Variants in TTC23L observed in about 807,000 individuals in gnomAD.
TTC23L encodes the protein tetratricopeptide repeat domain 23 like, also known as tetratricopeptide repeat protein 23-like.
Under a neutral mutation model 48.1 loss-of-function variants are expected in TTC23L, and 42 were observed. The observed-to-expected ratio is 0.87, with a 90% CI of 0.68 to 1.13. The LOEUF (loss-of-function observed/expected upper bound fraction) is 1.13. Among genes scored for constraint, TTC23L ranks in the 50% most tolerant of loss-of-function variants. TTC23L has a pLI of 0.00. For synonymous variants in TTC23L, 159 were observed against 157.2 expected (o/e 1.01, Z -0.09); for missense variants, 391 against 421.0 (o/e 0.93, Z 0.62).
the TTC23L span, chr5:34,922,173 A>T: frequency 8.9e-7 from 1 of 1,128,456 alleles, no homozygotes; most frequent in Non-Finnish European, 1.3e-6. Flanking sequence ...TTTAGTTCTC[A>T]TTTATATTAT....
At chr5:34,922,965 C>G in the TTC23L span, 1 of 1,394,394 alleles carries the variant, frequency 7.2e-7, no homozygotes. Flanking sequence ...ACAAGGCAGT[C>G]TACTGTTAAA....
At chr5:34,840,558 A>G in intron 1 of TTC23L, 107 bp from the exon 2 acceptor site, 2 of 890,572 alleles carry the variant, frequency 2.2e-6, no homozygotes, top group East Asian at 2.4e-5. Context: ...AGGATGGGTT[A>G]TATATTTGAG....
At chr5:34,891,228 TAA>T (rs889102527) in intron 9 of TTC23L, among the ~76,000 whole-genome samples, 6 of 152,222 alleles carry the variant, frequency 3.9e-5, no homozygotes, top group African/African-American at 1.2e-4. Context: ...TGTTTTATAT[TAA>T]GAGTAATAGG....
At chr5:34,922,647 G>A in the TTC23L span, 1 of 1,594,524 alleles carries the variant, frequency 6.3e-7, no homozygotes, top group East Asian at 2.2e-5. Context: ...TTTTGAAATA[G>A]TTGTGCAAAA....
chr5:34,848,324 A>T (rs943840380), intron 3 of TTC23L, among the ~76,000 whole-genome samples: 16 of 152,194 alleles, frequency 1.1e-4, no homozygotes, highest in South Asian at 2.1e-4. Context: ...TGTCATTTCT[A>T]TAGGGGTAGA....
At chr5:34,914,793 T>A in the TTC23L span, 1 of 1,614,240 alleles carries the variant, frequency 6.2e-7, no homozygotes, top group Non-Finnish European at 8.5e-7. Context: ...CGGAAATGAA[T>A]AGCTTTCAAG....
the TTC23L span, chr5:34,906,497 G>A: frequency 6.6e-6 from 1 of 151,898 alleles, no homozygotes. Context: ...AAATTAGCAG[G>A]GCATGGAGGC....
the TTC23L span, chr5:34,922,514 A>G: frequency 4.6e-6 from 7 of 1,537,308 alleles, no homozygotes; most frequent in South Asian, 6.8e-5. Context: ...TAATTAGTTG[A>G]AAAAGCTTAC....
the TTC23L span, chr5:34,909,455 G>A: frequency 6.6e-6 from 5 of 761,160 alleles, no homozygotes; most frequent in Admixed American, 2.3e-5. Context: ...CATACTAGTG[G>A]GTGAAACAGA....
exon 10 of TTC23L, chr5:34,896,805 C>G: frequency 1.3e-6 from 1 of 758,252 alleles, no homozygotes; most frequent in Middle Eastern, 2.3e-4. Context: ...AGAAGAGAAG[C>G]CATTCCTGGA....
chr5:34,910,775 T>C, the TTC23L span, among the ~76,000 whole-genome samples: 1 of 152,226 alleles, frequency 6.6e-6, no homozygotes, highest in Non-Finnish European at 1.5e-5. Context: ...GAATACCTTA[T>C]TCCTTTTATT....
intron 8 of TTC23L, among the ~76,000 whole-genome samples, chr5:34,875,863 A>T (rs1761799966): frequency 1.3e-5 from 2 of 152,214 alleles, no homozygotes; most frequent in Non-Finnish European, 2.9e-5. Flanking sequence ...CACATGGAAC[A>T]TTCACCATGA....
intron 9 of TTC23L, among the ~76,000 whole-genome samples, chr5:34,892,091 G>A (rs945990505): frequency 2.0e-5 from 3 of 152,212 alleles, no homozygotes; most frequent in Non-Finnish European, 4.4e-5. Flanking sequence ...GCCAAAGCCA[G>A]ATGTCAAAAC....
At chr5:34,922,887 A>G in the TTC23L span, 8 of 1,227,788 alleles carry the variant, frequency 6.5e-6, no homozygotes, top group South Asian at 5.2e-5. Flanking sequence ...TGGATTATCA[A>G]TTCTTTCAGG....
the TTC23L span, chr5:34,922,483 G>A: frequency 9.2e-7 from 1 of 1,082,920 alleles, no homozygotes; most frequent in Non-Finnish European, 1.4e-6. Flanking sequence ...TGAATAGGTG[G>A]TAAGCATTGA....
the TTC23L span, chr5:34,923,271 T>G: frequency 7.1e-7 from 1 of 1,407,888 alleles, no homozygotes; most frequent in Admixed American, 1.7e-5. Flanking sequence ...ACCTTTTTTT[T>G]AATTGAGTTT....
intron 9 of TTC23L, among the ~76,000 whole-genome samples, chr5:34,884,310 CT>C (rs1282659409): frequency 6.6e-6 from 1 of 152,154 alleles, no homozygotes; most frequent in Non-Finnish European, 1.5e-5. Context: ...TAATACCATA[CT>C]TAATGGTGAA....
intron 8 of TTC23L, among the ~76,000 whole-genome samples, chr5:34,872,889 C>T (rs576287892): frequency 3.2e-4 from 48 of 152,052 alleles, no homozygotes; most frequent in East Asian, 1.2e-3. Flanking sequence ...ATGGTGAAAC[C>T]GCGTTTCTAC....
chr5:34,877,510 G>A (rs548649912), intron 8 of TTC23L, among the ~76,000 whole-genome samples: 13 of 151,748 alleles, frequency 8.6e-5, no homozygotes, highest in African/African-American at 3.1e-4. Flanking sequence ...TGCAATCTCT[G>A]CCTTCTGGGC....
Sources: gnomAD v4.1 joint callset for allele counts (sites outside exome capture counted in the v4.1 genomes callset) on GRCh38, gnomAD v4.1.1 for gene constraint, MANE v1.5 for transcripts, NCBI Gene and HGNC (gene_info 2026-07-23, HGNC 2026-07-21) for gene names.